ZNF641: variants seen among roughly 807,000 people sequenced by gnomAD.
ZNF641 encodes the protein zinc finger protein 641.
A neutral mutation model predicts 46.2 loss-of-function variants in ZNF641; 26 were observed. That is an observed-to-expected ratio of 0.56 (90% CI 0.41 to 0.78). The LOEUF (loss-of-function observed/expected upper bound fraction) is 0.78. ZNF641 is among the 30% of genes least tolerant of loss of function. The pLI, the probability that ZNF641 is intolerant of heterozygous loss-of-function variation, is 0.00. For synonymous variants in ZNF641, 163 were observed against 187.9 expected (o/e 0.87, Z 1.09); for missense variants, 469 against 517.8 (o/e 0.91, Z 0.91).
intron 4 of ZNF641, 58 bp downstream of exon 4, chr12:48,345,287 A>G (rs1386247944): frequency 6.3e-7 from 1 of 1,597,498 alleles, no homozygotes; most frequent in Non-Finnish European, 8.5e-7. Flanking sequence ...GCCCTGAAGC[A>G]GATGGCTCCG....
At chr12:48,335,285 C>G (rs1952596436), downstream of ZNF641, among the ~76,000 whole-genome samples, 2 of 152,182 alleles carry the variant, frequency 1.3e-5, no homozygotes, top group African/African-American at 4.8e-5. Flanking sequence ...TGTCTGCTTG[C>G]CTTCTTCTTG....
intron 5 of ZNF641, among the ~76,000 whole-genome samples, 183 bp from the exon 6 acceptor site, chr12:48,343,910 T>G (rs1487772995): frequency 2.0e-5 from 3 of 152,224 alleles, no homozygotes; most frequent in Non-Finnish European, 4.4e-5. Flanking sequence ...AAGCCTAGGC[T>G]TAGGAGGCAG....
chr12:48,345,546 A>T, intron 3 of ZNF641, 72 bp from the exon 4 acceptor site: 1 of 1,587,292 alleles, frequency 6.3e-7, no homozygotes, highest in Admixed American at 1.7e-5. Flanking sequence ...TGAAAGGCTA[A>T]GTTAGTAGAG....
At chr12:48,350,111 G>C in intron 1 of ZNF641, 1 of 1,613,950 alleles carries the variant, frequency 6.2e-7, no homozygotes. Flanking sequence ...TAAGGTGGTA[G>C]CCCTAACCTC....
At chr12:48,345,265 C>T in intron 4 of ZNF641, 80 bp downstream of exon 4, 6 of 1,536,158 alleles carry the variant, frequency 3.9e-6, no homozygotes, top group Non-Finnish European at 4.4e-6. Flanking sequence ...CCTAGACAGA[C>T]ACTATCCAAT....
rs995922495 is a variant in ZNF641, at chr12:48,337,209, T to C, written c.*5764A>G. 2.6e-5 allele frequency: 4 copies of C among 152,356 alleles called. No homozygotes were observed. The highest frequency in any genetic ancestry group is 2.1e-4 in the South Asian group (1 of 4,820). 9.4% of individuals were successfully genotyped at this position (152,356 alleles called of 1,614,324 possible). A position where few individuals can be genotyped will look rare whatever the true frequency, so the allele number is the denominator to read the frequency against. On this transcript the variant is annotated 3_prime_UTR_variant, in exon 6 of 6. Transcript: ENST00000547026. Reference sequence around the variant, plus strand: ...ACAGCCAATACATCTTTTATTCAACTGACAGGGACCATAAGTCCCCTGTTG... The same window carrying C: ...ACAGCCAATACATCTTTTATTCAACCGACAGGGACCATAAGTCCCCTGTTG...
Position 48,343,724 on chromosome 12 carries a change from T to C in ZNF641, c.524A>G (p.Asp175Gly), listed in dbSNP as rs1342576799. Residue 175 changes from aspartate to glycine, a missense_variant, in exon 6 of 6, where the codon GAT (aspartate) becomes GGT (glycine). By Grantham distance (94) the Asp-to-Gly change is moderately conservative. Around this residue, in one of 3 missense-constraint regions of ZNF641, gnomAD observed 346 missense variants for 354.0 expected, o/e 0.98. Transcript: ENST00000547026. The stretch of plus-strand genomic sequence containing the variant: ...GGTATCCCCCTCATGTTCACTTCCA[T>C]CTCCTGCGGAGAAGGGGAAATACCA... ...RDILRVTYTG[D>G]GSEHEGDTPE... The C allele has an allele frequency of 3.4e-6, 5 of 1,473,622 alleles. No individual in the cohort carries two copies. Among genetic ancestry groups the C allele is most frequent in the Non-Finnish European group, 4.5e-6 (5 of 1,109,848 alleles). The allele number at this position is 1,473,622 out of a possible 1,614,324, so 91.3% of individuals were successfully genotyped here.
In ZNF641 at chr12:48,345,483, A is replaced by G. The variant is rs371321844; in HGVS notation, c.277-9T>C. On this transcript the variant is annotated splice_polypyrimidine_tract_variant and intron_variant, in intron 3 of 5. Transcript: ENST00000547026. ...TTGATGGTTACCAGGCCCTGAAACA[A>G]AATGTAGCATCTTCTGTCAGCAGCT... is the stretch of plus-strand genomic sequence containing the variant. The G allele has an allele frequency of 9.3e-6, 15 of 1,614,066 alleles. No individual in the cohort carries two copies. Among genetic ancestry groups the G allele is most frequent in the Non-Finnish European group, 1.3e-5 (15 of 1,179,960 alleles).
chr12:48,342,925 G>A lies in ZNF641; in HGVS notation c.*48C>T, dbSNP rs1452644419. 1 of 1,557,136 alleles carries A rather than the reference G, an allele frequency of 6.4e-7. No homozygotes were observed. The highest frequency in any genetic ancestry group is 1.8e-5 in the Admixed American group (1 of 55,532). The stretch of plus-strand genomic sequence containing the variant: ...AACGGCAGCCCTGGCAGTGACTCCT[G>A]GTAGCACCGGCTGATAGACTTGACC... On this transcript the variant is annotated 3_prime_UTR_variant, in exon 6 of 6. Transcript: ENST00000547026.
intron 3 of ZNF641, 62 bp from the exon 4 acceptor site, chr12:48,345,536 T>A: frequency 6.2e-7 from 1 of 1,606,150 alleles, no homozygotes. Context: ...TGATTCAGTA[T>A]GAAAGGCTAA....
downstream of ZNF641, among the ~76,000 whole-genome samples, chr12:48,336,232 T>A (rs1257269609): frequency 6.6e-6 from 1 of 152,224 alleles, no homozygotes; most frequent in Non-Finnish European, 1.5e-5. Flanking sequence ...GGTGGGAGTT[T>A]ATACCATCCC....
chr12:48,350,924 G>A (rs567585765), upstream of ZNF641: 213 of 903,696 alleles, frequency 2.4e-4, no homozygotes, highest in African/African-American at 3.4e-3. Context: ...GCAGGCGCGG[G>A]CGGGGCGGGG....
In ZNF641 at chr12:48,345,460, G is replaced by T; in HGVS notation, c.291C>A (p.Ile97=). Residue 97 remains isoleucine, a synonymous_variant, in exon 4 of 6, where the codon ATC becomes ATA. Coordinates refer to ENST00000547026, the MANE Select transcript of ZNF641 (RefSeq NM_001172681.2). ...LAAGSQGLVT[I]KDVSLCFSQE... The stretch of plus-strand genomic sequence containing the variant: ...GAGAGAAGCACAGTGACACATCCTT[G>T]ATGGTTACCAGGCCCTGAAACAAAA... 1 of 1,614,200 alleles carries T rather than the reference G, an allele frequency of 6.2e-7. No homozygotes were observed. The highest frequency in any genetic ancestry group is 8.5e-7 in the Non-Finnish European group (1 of 1,180,018).
At chr12:48,347,374 A>G (rs1218334251) in intron 2 of ZNF641, 31 bp from the exon 3 acceptor site, 3 of 1,573,634 alleles carry the variant, frequency 1.9e-6, no homozygotes, top group East Asian at 2.3e-5. Flanking sequence ...ACATTAGAGA[A>G]TAACGATCTA....
rs1163158658 is a variant in ZNF641, at chr12:48,350,919, C to G, written c.-159G>C. 3.1e-5 allele frequency: 29 copies of G among 950,734 alleles called. No individual in the cohort carries two copies. Among genetic ancestry groups the G allele is most frequent in the Non-Finnish European group, 3.6e-5 (29 of 798,782 alleles). 58.9% of individuals were successfully genotyped at this position (950,734 alleles called of 1,614,324 possible). A position where few individuals can be genotyped will look rare whatever the true frequency, so the allele number is the denominator to read the frequency against. On this transcript the variant is annotated 5_prime_UTR_variant, in exon 1 of 6. Transcript: ENST00000547026. ...CAGGCGGAGACGGCGGCCCGGCAGG[C>G]GCGGGCGGGGCGGGGCGGGCACAGG...
chr12:48,347,042 AC>A (rs1312385976), intron 3 of ZNF641: 1 of 927,496 alleles, frequency 1.1e-6, no homozygotes, highest in Non-Finnish European at 1.5e-6. Flanking sequence ...ACTCAAAAAA[AC>A]CCTAACCTCA....
chr12:48,335,883 G>T (rs952722694), downstream of ZNF641, among the ~76,000 whole-genome samples: 5 of 152,172 alleles, frequency 3.3e-5, no homozygotes, highest in Non-Finnish European at 7.4e-5. Context: ...TTTAACTTTA[G>T]TCAAAGCAAA....
Position 48,341,498 on chromosome 12 carries a change from A to G in ZNF641, c.*1475T>C. 1 of 985,438 alleles carries G rather than the reference A, an allele frequency of 1.0e-6. No individual in the cohort carries two copies. The highest frequency in any genetic ancestry group is 1.7e-5 in the African/African-American group (1 of 57,366). The allele number at this position is 985,438 out of a possible 1,614,324, so 61.0% of individuals were successfully genotyped here. ...CTTTCCAGAATTGGAAGGAAAACCA[A>G]CCAGAAAGCTTATTACCCTGCAGCA... On this transcript the variant is annotated 3_prime_UTR_variant, in exon 6 of 6. Transcript: ENST00000547026.
chr12:48,345,225 C>T (rs777875555), intron 4 of ZNF641, 120 bp downstream of exon 4: 28 of 1,142,526 alleles, frequency 2.5e-5, no homozygotes, highest in South Asian at 5.4e-5. Context: ...CCAGCGGAAG[C>T]ATAGACAGAT....
Sources: allele counts gnomAD v4.1 joint callset (sites outside exome capture counted in the v4.1 genomes callset), GRCh38; gene constraint gnomAD v4.1.1; regional missense constraint gnomAD v4.1.1; transcripts MANE v1.5; gene names NCBI Gene and HGNC (gene_info 2026-07-23, HGNC 2026-07-21).